The following SLAMF9 variants were observed in gnomAD, a reference collection of about 807,000 sequenced individuals.
SLAMF9 encodes SLAM family member 9.
In SLAMF9, 25 loss-of-function variants were observed where a neutral mutation model predicts 30.4. That is an observed-to-expected ratio of 0.82 (90% CI 0.60 to 1.15). The LOEUF (loss-of-function observed/expected upper bound fraction) is 1.15, where lower values mean the gene tolerates loss of function less well. Among genes scored for constraint, SLAMF9 ranks in the 50% most tolerant of loss-of-function variants. The pLI is 0.00. For missense variants in SLAMF9, 344 were observed against 346.1 expected (o/e 0.99, Z 0.05); for synonymous variants, 129 against 127.2 (o/e 1.01, Z -0.09).
chr1:159,958,268 C>CCAGA (rs1557944982), upstream of SLAMF9, among the ~76,000 whole-genome samples: 3 of 152,170 alleles, frequency 2.0e-5, no homozygotes, highest in Non-Finnish European at 4.4e-5. Context: ...GAGGCTGCTA[C>CCAGA]AGTGAGTATG....
At chr1:159,972,252 G>C in the SLAMF9 span, among the ~76,000 whole-genome samples, 1 of 152,232 alleles carries the variant, frequency 6.6e-6, no homozygotes, top group East Asian at 1.9e-4. Flanking sequence ...CTCACTGCTG[G>C]AGAGAAGTTG....
the SLAMF9 span, among the ~76,000 whole-genome samples, chr1:159,975,314 C>T: frequency 6.6e-6 from 1 of 152,100 alleles, no homozygotes; most frequent in East Asian, 1.9e-4. Context: ...TTAGTTCTAC[C>T]TGGGGAGGAG....
At chr1:159,978,994 A>T in the SLAMF9 span, 1 of 152,226 alleles carries the variant, frequency 6.6e-6, no homozygotes, top group Non-Finnish European at 1.5e-5. Context: ...GGGCATAGGG[A>T]TCCATTTATC....
At chr1:159,982,738 C>A in the SLAMF9 span, among the ~76,000 whole-genome samples, 3 of 152,146 alleles carry the variant, frequency 2.0e-5, no homozygotes, top group East Asian at 5.8e-4. Context: ...GTGTAGGAAA[C>A]ATAACGACAT....
the SLAMF9 span, among the ~76,000 whole-genome samples, chr1:159,960,089 T>C: frequency 6.6e-6 from 1 of 151,822 alleles, no homozygotes; most frequent in Non-Finnish European, 1.5e-5. Context: ...TATGTATACA[T>C]GTGCCATGTT....
At chr1:159,955,187 A>G (rs1156247536), upstream of SLAMF9, among the ~76,000 whole-genome samples, 4 of 152,188 alleles carry the variant, frequency 2.6e-5, no homozygotes, top group South Asian at 2.1e-4. Flanking sequence ...TGAGAATACA[A>G]TGTTGATCAA....
At chr1:159,964,720 C>T in the SLAMF9 span, among the ~76,000 whole-genome samples, 1 of 152,142 alleles carries the variant, frequency 6.6e-6, no homozygotes, top group African/African-American at 2.4e-5. Context: ...GTCTTGTTGG[C>T]AGGATTTTAC....
chr1:159,952,582 G>A, intron 2 of SLAMF9, 48 bp from the exon 3 acceptor site: 5 of 1,590,290 alleles, frequency 3.1e-6, no homozygotes, highest in Non-Finnish European at 4.3e-6. Flanking sequence ...CAGGGATCGG[G>A]TCTGTTTTCC....
At chr1:159,973,121 GC>G in the SLAMF9 span, 1 of 1,529,868 alleles carries the variant, frequency 6.5e-7, no homozygotes, top group Admixed American at 1.8e-5. Flanking sequence ...CTGGGTGGGG[GC>G]CCCTGTCCTG....
At chr1:159,968,775 G>A in the SLAMF9 span, among the ~76,000 whole-genome samples, 1 of 152,214 alleles carries the variant, frequency 6.6e-6, no homozygotes, top group Admixed American at 6.5e-5. Context: ...GAAGGCCCAG[G>A]CACGGTGGCT....
the SLAMF9 span, among the ~76,000 whole-genome samples, chr1:159,961,803 G>C: frequency 1.3e-5 from 2 of 152,172 alleles, no homozygotes; most frequent in Admixed American, 6.5e-5. Flanking sequence ...CTACAAAGAC[G>C]GACTGCAGGC....
the SLAMF9 span, chr1:159,978,509 A>AGG: frequency 2.0e-5 from 3 of 152,268 alleles, no homozygotes; most frequent in African/African-American, 7.2e-5. Flanking sequence ...GCAGCTAAGA[A>AGG]GGGAGACAGA....
chr1:159,973,277 C>T, the SLAMF9 span: 1 of 742,950 alleles, frequency 1.3e-6, no homozygotes, highest in South Asian at 1.7e-5. Flanking sequence ...GAGGTGGGAA[C>T]TGCTCTGGGG....
chr1:159,971,322 G>A, the SLAMF9 span, among the ~76,000 whole-genome samples: 2 of 152,162 alleles, frequency 1.3e-5, no homozygotes, highest in Non-Finnish European at 2.9e-5. Flanking sequence ...CTTTGGGAAA[G>A]GCTGATTCTT....
At chr1:159,970,008 C>T in the SLAMF9 span, among the ~76,000 whole-genome samples, 25 of 152,076 alleles carry the variant, frequency 1.6e-4, no homozygotes, top group East Asian at 3.3e-3. Flanking sequence ...TGCAGTGAGC[C>T]GTGATCGCAC....
At chr1:159,952,670 CAAA>C (rs1334517615) in intron 2 of SLAMF9, 136 bp from the exon 3 acceptor site, 1 of 865,958 alleles carries the variant, frequency 1.2e-6, no homozygotes, top group Non-Finnish European at 1.8e-6. Flanking sequence ...CAAAAGCAAA[CAAA>C]CCCAACCACC....
chr1:159,952,616 T>A, intron 2 of SLAMF9, 82 bp from the exon 3 acceptor site: 1 of 1,430,276 alleles, frequency 7.0e-7, no homozygotes, highest in Non-Finnish European at 9.6e-7. Flanking sequence ...CCTGGGGTAC[T>A]AATGCTACCC....
At chr1:159,969,900 G>A in the SLAMF9 span, among the ~76,000 whole-genome samples, 1 of 152,016 alleles carries the variant, frequency 6.6e-6, no homozygotes, top group Non-Finnish European at 1.5e-5. Context: ...AAATTAGCTA[G>A]GCATGGTGGT....
the SLAMF9 span, among the ~76,000 whole-genome samples, chr1:159,982,300 T>A: frequency 6.6e-6 from 1 of 152,110 alleles, no homozygotes; most frequent in African/African-American, 2.4e-5. Flanking sequence ...GACAGCCACA[T>A]GGAACTATCT....
Sources: allele counts gnomAD v4.1 joint callset (sites outside exome capture counted in the v4.1 genomes callset), GRCh38; gene constraint gnomAD v4.1.1; transcripts MANE v1.5; gene names NCBI Gene and HGNC (gene_info 2026-07-23, HGNC 2026-07-21).